SEC14L1: variants seen among roughly 807,000 people sequenced by gnomAD.
SEC14L1 encodes SEC14-like protein 1.
In SEC14L1, 48 loss-of-function variants were observed where a neutral mutation model predicts 85.3. The observed-to-expected ratio is 0.56, with a 90% CI of 0.45 to 0.72. The LOEUF (loss-of-function observed/expected upper bound fraction) is 0.72. SEC14L1 is among the 30% of genes least tolerant of loss of function. The pLI is 0.00. For missense variants in SEC14L1, 682 were observed against 921.4 expected (o/e 0.74, Z 3.36); for synonymous variants, 391 against 355.5 (o/e 1.10, Z -1.12).
At chr17:77,132,740 A>G (rs1174519387) in intron 3 of SEC14L1, among the ~76,000 whole-genome samples, 2 of 152,080 alleles carry the variant, frequency 1.3e-5, no homozygotes, top group East Asian at 3.9e-4. Context: ...TTCTTTTGCT[A>G]TGGTAGTGAA....
rs199942953 is a variant in SEC14L1 at position 77,190,919 on chromosome 17, G to A, written c.180G>A (p.Lys60=). 2 of 1,614,236 alleles carry A rather than the reference G, an allele frequency of 1.2e-6. No homozygotes were observed. Among genetic ancestry groups the A allele is most frequent in the African/African-American group, 1.3e-5 (1 of 75,064 alleles). Residue 60 remains lysine (K), a synonymous_variant, in exon 4 of 17, where the codon AAG becomes AAA. Transcript: ENST00000436233. ...TTCATGTCATTGAAAGGCGCTGCAA[G>A]CTGGATGTAGATGCACCCAGACTGC... is the stretch of plus-strand genomic sequence containing the variant. The part of the protein sequence containing the change: ...GAIHVIERRC[K]LDVDAPRLLK...
At chr17:77,115,459 G>A (rs1382815554) in intron 3 of SEC14L1, among the ~76,000 whole-genome samples, 3 of 152,128 alleles carry the variant, frequency 2.0e-5, no homozygotes, top group Non-Finnish European at 4.4e-5. Flanking sequence ...AAAGCTGCAA[G>A]CCCTTCTGCT....
At chr17:77,194,647 A>T in intron 6 of SEC14L1, 30 bp from the exon 7 acceptor site, 5 of 1,542,150 alleles carry the variant, frequency 3.2e-6, no homozygotes, top group Middle Eastern at 1.7e-4. Context: ...TTGAATATAT[A>T]CTCACCTTTA....
intron 3 of SEC14L1, 114 bp downstream of exon 3, chr17:77,143,773 T>C: frequency 1.4e-6 from 1 of 737,060 alleles, no homozygotes; most frequent in Admixed American, 2.5e-5. Context: ...TTGAACTTAC[T>C]CTGTTTTTAT....
At chr17:77,172,717 A>G (rs1024294545) in intron 3 of SEC14L1, among the ~76,000 whole-genome samples, 7 of 152,202 alleles carry the variant, frequency 4.6e-5, no homozygotes, top group African/African-American at 1.7e-4. Flanking sequence ...CTAGACCTGC[A>G]TATATCCTCG....
upstream of SEC14L1, among the ~76,000 whole-genome samples, chr17:77,137,824 C>G (rs1972840415): frequency 6.6e-6 from 1 of 152,220 alleles, no homozygotes; most frequent in South Asian, 2.1e-4. Flanking sequence ...TAACCCCCTT[C>G]TCTGGATAAC....
At chr17:77,205,558 G>A (rs1021810172) in intron 11 of SEC14L1, among the ~76,000 whole-genome samples, 4 of 152,186 alleles carry the variant, frequency 2.6e-5, no homozygotes, top group Non-Finnish European at 5.9e-5. Flanking sequence ...GAGTGGGTTG[G>A]CCTGTCTGCT....
Position 77,209,414 on chromosome 17 carries a change from C to G in SEC14L1, c.1549C>G (p.Leu517Val). 6.2e-7 allele frequency: 1 copy of G among 1,614,174 alleles called. No individual in the cohort carries two copies. Among genetic ancestry groups the G allele is most frequent in the Non-Finnish European group, 8.5e-7 (1 of 1,180,012 alleles). Residue 517 changes from leucine to valine, a missense_variant, in exon 14 of 17, where the codon CTG becomes GTG. Leu to Val is a conservative substitution (Grantham distance 32). This residue lies in a region of SEC14L1 where 420 missense variants were observed against 619.5 expected (regional missense o/e 0.68). Transcript: ENST00000436233. ...TGCAGAGGAGCTGGAGAACGAAGAC[C>G]TGAAGCTCTGGACTGAGACCATCTA... is the stretch of plus-strand genomic sequence containing the variant. Reference protein sequence around the residue: ...RTAEELENEDLKLWTETIYQS... With the variant: ...RTAEELENEDVKLWTETIYQS...
chr17:77,131,468 C>T (rs1972608677), intron 3 of SEC14L1, among the ~76,000 whole-genome samples: 1 of 152,168 alleles, frequency 6.6e-6, no homozygotes, highest in East Asian at 1.9e-4. Context: ...TGCAGTTTTA[C>T]CATGTTGGCC....
intron 10 of SEC14L1, among the ~76,000 whole-genome samples, chr17:77,204,439 C>T (rs767098813): frequency 8.6e-5 from 13 of 150,604 alleles, no homozygotes; most frequent in Non-Finnish European, 1.5e-4. Flanking sequence ...AGGCTGGTCT[C>T]GAACTCCTGA....
At chr17:77,117,702 T>G (rs563234867) in intron 3 of SEC14L1, among the ~76,000 whole-genome samples, 1 of 152,312 alleles carries the variant, frequency 6.6e-6, no homozygotes, top group African/African-American at 2.4e-5. Context: ...GATAAGAAAG[T>G]CTTTCATTCC....
At chr17:77,114,392 C>T (rs1303848739) in intron 3 of SEC14L1, among the ~76,000 whole-genome samples, 5 of 151,876 alleles carry the variant, frequency 3.3e-5, no homozygotes, top group African/African-American at 9.7e-5. Flanking sequence ...GGCATGGTGG[C>T]GATCACCTGA....
intron 3 of SEC14L1, among the ~76,000 whole-genome samples, chr17:77,160,053 A>T (rs536001703): frequency 6.6e-6 from 1 of 152,368 alleles, no homozygotes; most frequent in South Asian, 2.1e-4. Flanking sequence ...TATGAAGTAC[A>T]ACCTGCACAG....
At chr17:77,136,759 C>T (rs1972811592), upstream of SEC14L1, among the ~76,000 whole-genome samples, 1 of 152,156 alleles carries the variant, frequency 6.6e-6, no homozygotes, top group Non-Finnish European at 1.5e-5. Context: ...AGGGGGAAGA[C>T]ACACTGTGGT....
intron 8 of SEC14L1, among the ~76,000 whole-genome samples, chr17:77,197,678 TG>T (rs1975884390): frequency 6.6e-6 from 1 of 152,054 alleles, no homozygotes; most frequent in East Asian, 1.9e-4. Flanking sequence ...GGTGCAGTCT[TG>T]GGTCACTACA....
chr17:77,098,340 A>G (rs1971696212), intron 3 of SEC14L1, among the ~76,000 whole-genome samples: 1 of 151,994 alleles, frequency 6.6e-6, no homozygotes, highest in Non-Finnish European at 1.5e-5. Flanking sequence ...CTCTACTAAA[A>G]ATACAAAAAT....
In SEC14L1 at chr17:77,200,626, A is replaced by C. The variant is rs530981190; in HGVS notation, c.962A>C (p.Gln321Pro). 1 of 1,614,096 alleles carries C rather than the reference A, an allele frequency of 6.2e-7. No individual in the cohort carries two copies. Among genetic ancestry groups the C allele is most frequent in the South Asian group, 1.1e-5 (1 of 91,066 alleles). The change falls in exon 9 of 17, where the codon CAG becomes CCG. Residue 321 changes from glutamine to proline, a missense_variant. Physicochemically the swap from Gln to Pro is moderately conservative, Grantham distance 76 (BLOSUM62 -1). This residue lies in a region of SEC14L1 where 420 missense variants were observed against 619.5 expected (regional missense o/e 0.68). Transcript: ENST00000436233. Reference protein sequence around the residue: ...DYILETWTPPQVLQDYYAGGW... With the variant: ...DYILETWTPPPVLQDYYAGGW... ...ATTCTTGAAACCTGGACCCCTCCTC[A>C]GGTCCTTCAGGATTACTACGCGGGA...
intron 3 of SEC14L1, among the ~76,000 whole-genome samples, chr17:77,128,657 T>C (rs1271613197): frequency 1.3e-5 from 2 of 151,712 alleles, no homozygotes; most frequent in African/African-American, 2.4e-5. Flanking sequence ...TGGGGTTTCA[T>C]TGGCCAGGCT....
intron 3 of SEC14L1, among the ~76,000 whole-genome samples, chr17:77,124,363 C>G (rs907959278): frequency 4.6e-5 from 7 of 152,074 alleles, no homozygotes; most frequent in African/African-American, 1.7e-4. Context: ...GATTCCGTCT[C>G]AAAACAAAAA....
Sources: gnomAD v4.1 joint callset for allele counts (sites outside exome capture counted in the v4.1 genomes callset) on GRCh38, gnomAD v4.1.1 for gene constraint, gnomAD v4.1.1 regional missense constraint, MANE v1.5 for transcripts, NCBI Gene and HGNC (gene_info 2026-07-23, HGNC 2026-07-21) for gene names.